Variants in CCN4 observed in about 807,000 individuals in gnomAD.
CCN4 encodes the protein cellular communication network factor 4, also known as CCN family member 4.
CCN4 carries 30 observed loss-of-function variants against 36.7 expected under a neutral mutation model. That is an observed-to-expected ratio of 0.82 (90% CI 0.61 to 1.11). The LOEUF (loss-of-function observed/expected upper bound fraction) is 1.11. Ranked by LOEUF, CCN4 falls within the 50% of genes least tolerant of loss-of-function variation. The pLI is 0.00. For missense variants in CCN4, 505 were observed against 504.9 expected, an observed-to-expected ratio of 1.00 and a Z score of 0.00; for synonymous variants, 191 against 195.4, an observed-to-expected ratio of 0.98 and a Z score of 0.19.
At chr8:133,200,126 G>A (rs1003348268) in intron 1 of CCN4, among the ~76,000 whole-genome samples, 3 of 152,204 alleles carry the variant, frequency 2.0e-5, no homozygotes, top group African/African-American at 7.2e-5. Flanking sequence ...GAAGGGAGAT[G>A]GAGTCACGCT....
chr8:133,227,626 C>T lies in CCN4; in HGVS notation c.1020C>T (p.Cys340=), dbSNP rs1257867020. The change falls in exon 5 of 5, where the codon TGC becomes TGT. Residue 340 remains cysteine (C), a synonymous_variant. Transcript: ENST00000250160. Reference sequence around the variant, plus strand: ...GCCAGGTCCTATGGATTAATGCCTGCTTCTGTAACCTGAGCTGTAGGAATC... The same window carrying T: ...GCCAGGTCCTATGGATTAATGCCTGTTTCTGTAACCTGAGCTGTAGGAATC... ...FSRQVLWINA[C]FCNLSCRNPN... The T allele has an allele frequency of 1.2e-6, 2 of 1,614,254 alleles. No homozygotes were observed. The highest frequency in any genetic ancestry group is 2.2e-5 in the South Asian group (2 of 91,090).
At chr8:133,214,660 G>C (rs1854254108) in intron 2 of CCN4, among the ~76,000 whole-genome samples, 1 of 152,036 alleles carries the variant, frequency 6.6e-6, no homozygotes, top group African/African-American at 2.4e-5. Flanking sequence ...CTTGAATTGT[G>C]TAAGCATTAC....
intron 1 of CCN4, among the ~76,000 whole-genome samples, chr8:133,205,413 C>G (rs1853735189): frequency 1.3e-5 from 2 of 152,176 alleles, no homozygotes; most frequent in Non-Finnish European, 2.9e-5. Flanking sequence ...CTAGACAACA[C>G]TCTCCTTGAC....
intron 3 of CCN4, among the ~76,000 whole-genome samples, chr8:133,225,032 C>T (rs1165801630): frequency 6.6e-6 from 1 of 152,060 alleles, no homozygotes; most frequent in African/African-American, 2.4e-5. Context: ...GCCAGCCGCA[C>T]AGGCAGGTGT....
At chr8:133,223,925 T>A (rs1195858477) in intron 3 of CCN4, among the ~76,000 whole-genome samples, 1 of 152,194 alleles carries the variant, frequency 6.6e-6, no homozygotes, top group East Asian at 1.9e-4. Context: ...ATGCGGGAGA[T>A]ACATGCATCA....
intron 1 of CCN4, among the ~76,000 whole-genome samples, chr8:133,211,815 C>T (rs1255743812): frequency 1.3e-5 from 2 of 152,330 alleles, no homozygotes; most frequent in East Asian, 1.9e-4. Flanking sequence ...GGCTCCCGTC[C>T]CCGCTCCTGT....
chr8:133,193,130 G>A (rs1853176887), intron 1 of CCN4, among the ~76,000 whole-genome samples: 2 of 152,300 alleles, frequency 1.3e-5, no homozygotes, highest in Admixed American at 1.3e-4. Context: ...GACTCCATTT[G>A]GAAACCAGCC....
At chr8:133,198,527 C>T (rs927305295) in intron 1 of CCN4, among the ~76,000 whole-genome samples, 1 of 152,192 alleles carries the variant, frequency 6.6e-6, no homozygotes, top group African/African-American at 2.4e-5. Context: ...TTCTTTTCTA[C>T]TTCATGAGCC....
chr8:133,224,650 C>T (rs2929967), intron 3 of CCN4, among the ~76,000 whole-genome samples: 78,921 of 151,830 alleles, frequency 0.52, 20,772 homozygotes, highest in East Asian at 0.62. Context: ...AACTCTTATT[C>T]CTGGTCAGGC....
intron 2 of CCN4, among the ~76,000 whole-genome samples, chr8:133,217,940 A>ACACACACACG (rs1488611900): frequency 1.3e-5 from 2 of 151,664 alleles, no homozygotes; most frequent in Non-Finnish European, 2.9e-5. Context: ...CCTTCTCCAC[A>ACACACACACG]CACACACACA....
Position 133,212,932 on chromosome 8 carries a change from C to T in CCN4, c.138C>T (p.Pro46=). ...CACTGGAGGACACCTCCTCACGCCC[C>T]CAATTCTGCAAGTGGCCATGTGAGT... The part of the protein sequence containing the change: ...PAPLEDTSSR[P]QFCKWPCECP... The change falls in exon 2 of 5, where the codon CCC becomes CCT. Residue 46 remains proline, a synonymous_variant. Coordinates refer to ENST00000250160, the MANE Select transcript of CCN4 (RefSeq NM_003882.4). 1 of 1,613,676 alleles carries T rather than the reference C, an allele frequency of 6.2e-7. No homozygotes were observed. The highest frequency in any genetic ancestry group is 1.1e-5 in the South Asian group (1 of 91,058).
chr8:133,207,595 C>T (rs1324109317), intron 1 of CCN4, among the ~76,000 whole-genome samples: 2 of 152,232 alleles, frequency 1.3e-5, no homozygotes, highest in African/African-American at 4.8e-5. Context: ...TTGCACAAGA[C>T]ATTAACCTCT....
chr8:133,223,607 C>T (rs1854611743), intron 3 of CCN4, among the ~76,000 whole-genome samples: 1 of 151,824 alleles, frequency 6.6e-6, no homozygotes, highest in Admixed American at 6.6e-5. Context: ...CTTTTTATTA[C>T]TTTTATTACC....
intron 3 of CCN4, among the ~76,000 whole-genome samples, chr8:133,224,471 C>T (rs1280836749): frequency 6.6e-6 from 1 of 151,766 alleles, no homozygotes; most frequent in Non-Finnish European, 1.5e-5. Flanking sequence ...AACTCCTGAC[C>T]TCAAGTGATC....
intron 1 of CCN4, 26 bp from the exon 2 acceptor site, chr8:133,212,838 C>A (rs753226961): frequency 2.0e-6 from 3 of 1,517,240 alleles, no homozygotes; most frequent in East Asian, 2.4e-5. Flanking sequence ...CAGCAGCCCC[C>A]CTTTCCCTCT....
rs113859079 is a variant in CCN4, at chr8:133,191,096, C to A, written c.-49C>A. 17 of 1,596,832 alleles carry A rather than the reference C, an allele frequency of 1.1e-5. No individual in the cohort carries two copies. Among genetic ancestry groups the A allele is most frequent in the Non-Finnish European group, 1.4e-5 (16 of 1,175,694 alleles). On this transcript the variant is annotated 5_prime_UTR_variant, in exon 1 of 5. Transcript: ENST00000250160. ...GGGCCCAGCTCCCCCGAGAGGTGGT[C>A]GGATCCTCTGGGCTGCTCGGTCGAT... is the stretch of plus-strand genomic sequence containing the variant.
At chr8:133,194,302 GTGTGGT>G (rs1853227882) in intron 1 of CCN4, among the ~76,000 whole-genome samples, 1 of 136,802 alleles carries the variant, frequency 7.3e-6, no homozygotes, top group African/African-American at 2.8e-5. Flanking sequence ...TGGTGTGTGT[GTGTGGT>G]GTGTGTGTGT....
Position 133,202,341 on chromosome 8 carries a change from C to T in CCN4, c.70-10523C>T, listed in dbSNP as rs147911089. ...GCTGTAGTTTTTGACCTTTATAATG[C>T]GGTTGCCTGTTTTACGTTCCTGTCT... is the stretch of plus-strand genomic sequence containing the variant. On this transcript the variant is annotated intron_variant, in intron 1 of 4. Coordinates refer to ENST00000250160, the MANE Select transcript of CCN4 (RefSeq NM_003882.4). 3.2e-3 allele frequency among the ~76,000 whole-genome samples: 487 copies of T among 152,276 alleles called. 1 individual carries two copies. The highest frequency in any genetic ancestry group is 6.0e-3 in the Non-Finnish European group (406 of 68,032).
Position 133,220,729 on chromosome 8 carries a change from G to A in CCN4, c.498G>A (p.Trp166Ter). ...TCCGAGTGCGCCCCCCGCGTCTCTG[G>A]TGCCCCCACCCGCGGCGCGTGAGCA... ...LCLRVRPPRL[W>*]CPHPRRVSIP... Residue 166 changes from tryptophan to a stop codon, truncating the protein, a stop_gained, in exon 3 of 5, where the codon TGG becomes TGA. Transcript: ENST00000250160. LOFTEE classifies it high-confidence loss of function. 2 of 1,613,638 alleles carry A rather than the reference G, an allele frequency of 1.2e-6. No individual in the cohort carries two copies. The highest frequency in any genetic ancestry group is 2.2e-5 in the South Asian group (2 of 91,068).
Sources: allele counts gnomAD v4.1 joint callset (sites outside exome capture counted in the v4.1 genomes callset), GRCh38; gene constraint gnomAD v4.1.1; transcripts MANE v1.5; gene names NCBI Gene and HGNC (gene_info 2026-07-23, HGNC 2026-07-21).